Variants in EDIL3 observed in about 807,000 individuals in gnomAD.
EDIL3 encodes the protein EGF-like repeat and discoidin I-like domain-containing protein 3.
EDIL3 carries 37 observed loss-of-function variants against 67.4 expected under a neutral mutation model. The observed-to-expected ratio is 0.55, with a 90% CI of 0.42 to 0.72. EDIL3 has a LOEUF of 0.72. EDIL3 is among the 30% of genes least tolerant of loss of function. The pLI, the probability that EDIL3 is intolerant of heterozygous loss-of-function variation, is 0.00. For missense variants in EDIL3, 527 were observed against 586.3 expected, an observed-to-expected ratio of 0.90 and a Z score of 1.04; for synonymous variants, 195 against 196.3, an observed-to-expected ratio of 0.99 and a Z score of 0.05.
chr5:84,219,473 G>A (rs1230955510), intron 3 of EDIL3, among the ~76,000 whole-genome samples: 3 of 152,142 alleles, frequency 2.0e-5, no homozygotes, highest in Non-Finnish European at 2.9e-5. Context: ...CAGTGAGGAC[G>A]TGGAGGAAAG....
At chr5:83,958,988 C>T (rs1413185234) in intron 10 of EDIL3, among the ~76,000 whole-genome samples, 1 of 150,884 alleles carries the variant, frequency 6.6e-6, no homozygotes, top group African/African-American at 2.4e-5. Flanking sequence ...ATCACAGGCT[C>T]AATTACAAGA....
chr5:84,361,738 C>T lies in EDIL3; in HGVS notation c.67+22570G>A, dbSNP rs1325466547. Among the ~76,000 whole-genome samples, 11 of 151,342 alleles carry T rather than the reference C, an allele frequency of 7.3e-5. No homozygotes were observed. In the East Asian group the frequency reaches 1.9e-3, roughly 27 times the overall value. ...AATTCAATTGGTCTATCAAGTATAC[C>T]GTATAAACAAAGTACTTTTGTAAGC... On this transcript the variant is annotated intron_variant, in intron 1 of 10. Coordinates refer to ENST00000296591, the MANE Select transcript of EDIL3 (RefSeq NM_005711.5).
rs1170260292 is a variant in EDIL3, at chr5:84,260,683, C to T, written c.68-6471G>A. On this transcript the variant is annotated intron_variant, in intron 1 of 10. Transcript: ENST00000296591. The stretch of plus-strand genomic sequence containing the variant: ...TATGTATTGACAGTTATATAAATAT[C>T]CTAATAATTTATTTAGATGAATGCA... Among the ~76,000 whole-genome samples the T allele has an allele frequency of 2.0e-5, 3 of 151,948 alleles. No homozygotes were observed. The East Asian group carries it at 5.8e-4, about 29-fold the overall frequency.
At chr5:84,337,852 A>C (rs1747021923) in intron 1 of EDIL3, among the ~76,000 whole-genome samples, 1 of 152,142 alleles carries the variant, frequency 6.6e-6, no homozygotes, top group Non-Finnish European at 1.5e-5. Flanking sequence ...CATATGCAAC[A>C]CTATGCAAAA....
chr5:84,339,317 G>A (rs1433774462), intron 1 of EDIL3, among the ~76,000 whole-genome samples: 2 of 152,118 alleles, frequency 1.3e-5, no homozygotes, highest in East Asian at 3.9e-4. Flanking sequence ...ATAATACAGA[G>A]CTGGACACAC....
intron 9 of EDIL3, among the ~76,000 whole-genome samples, chr5:84,052,131 C>T (rs997232531): frequency 1.2e-4 from 18 of 152,330 alleles, no homozygotes; most frequent in African/African-American, 4.3e-4. Flanking sequence ...CTCTACAAGC[C>T]AGAAGAGAGT....
intron 4 of EDIL3, among the ~76,000 whole-genome samples, chr5:84,161,158 G>A (rs948491646): frequency 1.3e-5 from 2 of 151,936 alleles, no homozygotes; most frequent in Non-Finnish European, 2.9e-5. Context: ...AGGCTGTTGT[G>A]AATGCCATGA....
At chr5:84,037,661 GTTAT>G (rs1746045181) in intron 9 of EDIL3, among the ~76,000 whole-genome samples, 2 of 151,940 alleles carry the variant, frequency 1.3e-5, no homozygotes, top group Non-Finnish European at 2.9e-5. Flanking sequence ...AATTAATGAC[GTTAT>G]TTATAAGCAA....
chr5:83,944,775 A>G (rs1445223286), intron 10 of EDIL3, among the ~76,000 whole-genome samples: 1 of 151,968 alleles, frequency 6.6e-6, no homozygotes, highest in African/African-American at 2.4e-5. Flanking sequence ...GCATCTTATA[A>G]TTAGAAGATA....
intron 6 of EDIL3, among the ~76,000 whole-genome samples, chr5:84,105,201 GA>G (rs1460063896): frequency 7.9e-5 from 12 of 152,164 alleles, no homozygotes; most frequent in Admixed American, 6.6e-4. Flanking sequence ...AAACTGTATA[GA>G]TGTGCCATTT....
chr5:84,230,218 A>G (rs545006088), intron 2 of EDIL3, among the ~76,000 whole-genome samples: 20 of 152,290 alleles, frequency 1.3e-4, no homozygotes, highest in South Asian at 8.3e-4. Context: ...ATTTGAGTAT[A>G]AATTATTATA....
At chr5:84,381,648 A>G (rs1748076675) in intron 1 of EDIL3, among the ~76,000 whole-genome samples, 1 of 152,184 alleles carries the variant, frequency 6.6e-6, no homozygotes, top group Admixed American at 6.5e-5. Context: ...TATTTAGGAC[A>G]TGTCTAGACA....
intron 6 of EDIL3, among the ~76,000 whole-genome samples, chr5:84,104,126 A>C (rs2112280758): frequency 6.6e-6 from 1 of 152,212 alleles, no homozygotes; most frequent in East Asian, 1.9e-4. Flanking sequence ...GGAACAGGAA[A>C]CCAAATACTA....
intron 1 of EDIL3, among the ~76,000 whole-genome samples, chr5:84,294,463 T>C (rs1746000709): frequency 6.7e-6 from 1 of 149,660 alleles, no homozygotes; most frequent in Non-Finnish European, 1.5e-5. Flanking sequence ...TAGCCAGATA[T>C]ACTAGACAAA....
At chr5:84,033,340 C>T (rs751229656) in intron 9 of EDIL3, among the ~76,000 whole-genome samples, 3 of 152,160 alleles carry the variant, frequency 2.0e-5, no homozygotes, top group Non-Finnish European at 4.4e-5. Flanking sequence ...TTCATCTTTG[C>T]CATACTTAAA....
chr5:84,166,064 T>C (rs1218747782), intron 4 of EDIL3, among the ~76,000 whole-genome samples: 1 of 152,122 alleles, frequency 6.6e-6, no homozygotes, highest in African/African-American at 2.4e-5. Flanking sequence ...CCACTGTCAC[T>C]CCTCTGTCTT....
intron 2 of EDIL3, among the ~76,000 whole-genome samples, chr5:84,238,334 C>A (rs1744719112): frequency 6.6e-6 from 1 of 151,386 alleles, no homozygotes; most frequent in Non-Finnish European, 1.5e-5. Flanking sequence ...GATGTGTTCC[C>A]AAAATATAGA....
intron 9 of EDIL3, among the ~76,000 whole-genome samples, chr5:84,054,856 A>T (rs1452332014): frequency 2.0e-5 from 3 of 147,886 alleles, no homozygotes; most frequent in Middle Eastern, 3.2e-3. Context: ...GATAGGAAGA[A>T]TCAATATCGT....
intron 5 of EDIL3, among the ~76,000 whole-genome samples, chr5:84,107,760 T>C (rs886604516): frequency 1.1e-4 from 16 of 149,982 alleles, no homozygotes; most frequent in Non-Finnish European, 1.9e-4. Flanking sequence ...ATTTGTATTA[T>C]ATATAAAATT....
Sources: allele counts gnomAD v4.1 joint callset (sites outside exome capture counted in the v4.1 genomes callset), GRCh38; gene constraint gnomAD v4.1.1; transcripts MANE v1.5; gene names NCBI Gene and HGNC (gene_info 2026-07-23, HGNC 2026-07-21).